SUGCT: variants seen among roughly 807,000 people sequenced by gnomAD.
The protein encoded by SUGCT is succinyl-CoA:glutarate-CoA transferase.
Under a neutral mutation model 55.0 loss-of-function variants are expected in SUGCT, and 41 were observed. The observed-to-expected ratio is 0.74, with a 90% confidence interval of 0.58 to 0.97. The LOEUF is 0.97. Ranked by LOEUF, SUGCT falls within the 50% of genes least tolerant of loss-of-function variation. SUGCT has a pLI of 0.00. For missense variants in SUGCT, 568 were observed against 547.8 expected (o/e 1.04, Z -0.37); for synonymous variants, 187 against 200.4 (o/e 0.93, Z 0.56).
the SUGCT span, among the ~76,000 whole-genome samples, chr7:40,895,275 C>T: frequency 6.6e-6 from 1 of 151,952 alleles, no homozygotes; most frequent in Non-Finnish European, 1.5e-5. Flanking sequence ...AGCACATGGA[C>T]ACCAAGGAGG....
At chr7:40,521,848 AG>A (rs1793549924) in intron 12 of SUGCT, among the ~76,000 whole-genome samples, 1 of 152,116 alleles carries the variant, frequency 6.6e-6, no homozygotes, top group African/African-American at 2.4e-5. Flanking sequence ...ATCTTTGTTA[AG>A]TGGAAACATA....
Position 40,236,442 on chromosome 7 carries a change from C to CAAAAAAAAAAAAAAAAAAAAA in SUGCT, c.485-1176_485-1175insAAAAAAAAAAAAAAAAAAAAA, listed in dbSNP as rs60720770. 1.8e-4 allele frequency among the ~76,000 whole-genome samples: 16 copies of CAAAAAAAAAAAAAAAAAAAAA among 90,006 alleles called. No homozygotes were observed. The South Asian group carries it at 6.1e-3, about 34-fold the overall frequency. The allele number at this position is 90,006 out of a possible 152,430, so 59.0% of individuals were successfully genotyped here. ...GTGTTCTGTTGATTCTTTCTGATGG[C>CAAAAAAAAAAAAAAAAAAAAA]AAAAAAAAAAAAAAAAATTTGACAC... On this transcript the variant is annotated intron_variant, in intron 6 of 13. Transcript: ENST00000335693.
At chr7:40,980,383 C>A in the SUGCT span, among the ~76,000 whole-genome samples, 56 of 152,244 alleles carry the variant, frequency 3.7e-4, no homozygotes, top group African/African-American at 1.3e-3. Flanking sequence ...CAAATTCATG[C>A]CCTTATTGCA....
At chr7:40,394,646 A>G (rs1031924381) in intron 9 of SUGCT, among the ~76,000 whole-genome samples, 26 of 152,086 alleles carry the variant, frequency 1.7e-4, no homozygotes, top group Non-Finnish European at 3.7e-4. Flanking sequence ...TCTAACTAAA[A>G]TTTTGTATCT....
intron 11 of SUGCT, among the ~76,000 whole-genome samples, chr7:40,474,055 G>A (rs1368311867): frequency 6.6e-6 from 1 of 152,044 alleles, no homozygotes; most frequent in Non-Finnish European, 1.5e-5. Flanking sequence ...ATGTCAAGCT[G>A]TAGTTTAGCT....
At chr7:40,380,663 G>A (rs370926013) in intron 9 of SUGCT, among the ~76,000 whole-genome samples, 5 of 152,064 alleles carry the variant, frequency 3.3e-5, no homozygotes, top group East Asian at 1.9e-4. Context: ...AGTTTCTTCC[G>A]TCTCTATAAT....
At chr7:40,913,904 A>G in the SUGCT span, among the ~76,000 whole-genome samples, 1 of 152,234 alleles carries the variant, frequency 6.6e-6, no homozygotes, top group East Asian at 1.9e-4. Flanking sequence ...AGAAAATCAT[A>G]TGGCCAGGTC....
At chr7:40,253,968 A>G (rs146319448) in intron 7 of SUGCT, among the ~76,000 whole-genome samples, 1 of 152,376 alleles carries the variant, frequency 6.6e-6, no homozygotes, top group Non-Finnish European at 1.5e-5. Flanking sequence ...AGTTAGTTCA[A>G]CTAGAACTGG....
intron 6 of SUGCT, among the ~76,000 whole-genome samples, chr7:40,223,429 C>T (rs900834455): frequency 3.9e-5 from 6 of 152,136 alleles, no homozygotes; most frequent in Non-Finnish European, 8.8e-5. Flanking sequence ...CATTGAGTGA[C>T]GAAGGGTATT....
chr7:41,031,731 C>T, the SUGCT span, among the ~76,000 whole-genome samples: 8 of 152,102 alleles, frequency 5.3e-5, no homozygotes, highest in Non-Finnish European at 8.8e-5. Context: ...CTAGAATGAC[C>T]CACCCACTCA....
intron 9 of SUGCT, among the ~76,000 whole-genome samples, chr7:40,399,831 TG>T (rs1785963055): frequency 1.3e-5 from 2 of 151,916 alleles, no homozygotes; most frequent in Admixed American, 6.6e-5. Context: ...TAGAGAAAAA[TG>T]GTTTAGTGTT....
chr7:40,908,526 T>C, the SUGCT span, among the ~76,000 whole-genome samples: 1 of 152,186 alleles, frequency 6.6e-6, no homozygotes, highest in Non-Finnish European at 1.5e-5. Context: ...TTAAAAAGTA[T>C]GAGGAAAGAA....
intron 8 of SUGCT, among the ~76,000 whole-genome samples, chr7:40,279,204 C>T (rs1350920071): frequency 6.6e-6 from 1 of 151,994 alleles, no homozygotes; most frequent in African/African-American, 2.4e-5. Flanking sequence ...TACAGTAGTT[C>T]CCATGAGAGA....
At chr7:40,272,093 C>A (rs55872099) in intron 7 of SUGCT, among the ~76,000 whole-genome samples, 18,474 of 70,352 alleles carry the variant, frequency 0.26, 2,218 homozygotes, top group East Asian at 0.34. Context: ...CTCTCTCTCT[C>A]TCTATATATA....
intron 13 of SUGCT, among the ~76,000 whole-genome samples, chr7:40,768,444 G>A (rs536568495): frequency 2.6e-5 from 4 of 152,132 alleles, no homozygotes; most frequent in African/African-American, 4.8e-5. Context: ...TGGCCACTTC[G>A]TGGGAGGCAC....
In SUGCT at chr7:40,376,870, A is replaced by G. The variant is rs567879036; in HGVS notation, c.816+60015A>G. ...TGCTACAAATTCTTAGTTTTCATTC[A>G]TCTGAAAATGTCATTATTTTATTTG... On this transcript the variant is annotated intron_variant, in intron 9 of 13. Coordinates refer to ENST00000335693, the MANE Select transcript of SUGCT (RefSeq NM_001193313.2). Among the ~76,000 whole-genome samples the G allele has an allele frequency of 1.2e-3, 177 of 151,746 alleles. 1 individual carries two copies. Among genetic ancestry groups the G allele is most frequent in the African/African-American group, 4.1e-3 (170 of 41,370 alleles).
chr7:40,991,414 T>C, the SUGCT span, among the ~76,000 whole-genome samples: 3 of 152,154 alleles, frequency 2.0e-5, no homozygotes, highest in Non-Finnish European at 4.4e-5. Context: ...AAATTGGAAA[T>C]ATTTTGAGAA....
the SUGCT span, among the ~76,000 whole-genome samples, chr7:40,906,991 T>C: frequency 6.6e-6 from 1 of 152,156 alleles, no homozygotes; most frequent in Admixed American, 6.5e-5. Context: ...TTAAGAGTCA[T>C]GAGCTTAGCT....
chr7:40,247,707 G>GT (rs1789998699), intron 7 of SUGCT, among the ~76,000 whole-genome samples: 1 of 152,048 alleles, frequency 6.6e-6, no homozygotes, highest in African/African-American at 2.4e-5. Flanking sequence ...CCTTTCCTTT[G>GT]TTTTTATTGG....
Sources: gnomAD v4.1 joint callset for allele counts (sites outside exome capture counted in the v4.1 genomes callset) on GRCh38, gnomAD v4.1.1 for gene constraint, MANE v1.5 for transcripts, NCBI Gene and HGNC (gene_info 2026-07-23, HGNC 2026-07-21) for gene names.